TMEM74: variants seen among roughly 807,000 people sequenced by gnomAD.
The protein encoded by TMEM74 is transmembrane protein 74.
A neutral mutation model predicts 18.1 loss-of-function variants in TMEM74; 13 were observed. The observed-to-expected ratio is 0.72, with a 90% CI of 0.47 to 1.14. The LOEUF (loss-of-function observed/expected upper bound fraction) is 1.14. Ranked by LOEUF, TMEM74 falls within the 50% of genes most tolerant of loss-of-function variation. The pLI is 0.00. For synonymous variants in TMEM74, 159 were observed against 146.6 expected (o/e 1.08, Z -0.61); for missense variants, 372 against 375.9 (o/e 0.99, Z 0.09).
intron 1 of TMEM74, among the ~76,000 whole-genome samples, chr8:108,765,804 G>T (rs79992764): frequency 0.018 from 2,725 of 152,090 alleles, 87 homozygotes; most frequent in African/African-American, 0.062. Flanking sequence ...TGTACATATT[G>T]TCCTAAATTA....
chr8:108,699,187 C>CCTTCCTTCCTTCCTTCCTTCCTT lies in TMEM74; in HGVS notation n.120-43751_120-43750insAAGGAAGGAAGGAAGGAAGGAAG, dbSNP rs1563529302. On this transcript the variant is annotated intron_variant and non_coding_transcript_variant, in intron 1 of 3. Transcript: ENST00000518838. ...TTCCTTCCTTCCTTCCTTCCTTCCT[C>CCTTCCTTCCTTCCTTCCTTCCTT]CCTCCCTCCCTCCCTCCCTCCCTCT... Among the ~76,000 whole-genome samples, 463 of 68,748 alleles carry CCTTCCTTCCTTCCTTCCTTCCTT rather than the reference C, an allele frequency of 6.7e-3. 5 individuals are homozygous for CCTTCCTTCCTTCCTTCCTTCCTT. The highest frequency in any genetic ancestry group is 0.014 in the East Asian group (24 of 1,704). The allele number at this position is 68,748 out of a possible 152,430, so 45.1% of individuals were successfully genotyped here.
At chr8:108,652,755 G>A in intron 2 of TMEM74, 1 of 527,520 alleles carries the variant, frequency 1.9e-6, no homozygotes, top group Non-Finnish European at 3.6e-6. Context: ...CAAACACTCA[G>A]GACAAAGGCT....
intron 1 of TMEM74, among the ~76,000 whole-genome samples, chr8:108,764,656 G>A (rs566569101): frequency 2.0e-5 from 3 of 152,182 alleles, no homozygotes; most frequent in African/African-American, 2.4e-5. Context: ...TTTATGCTGC[G>A]GTTGTGCATT....
At chr8:108,778,423 AC>A (rs1251665588), downstream of TMEM74, among the ~76,000 whole-genome samples, 1 of 152,192 alleles carries the variant, frequency 6.6e-6, no homozygotes, top group Non-Finnish European at 1.5e-5. Context: ...ATAGCGAGAG[AC>A]TGTGGAAATG....
At chr8:108,674,405 G>A (rs2130592902) in intron 1 of TMEM74, among the ~76,000 whole-genome samples, 1 of 152,258 alleles carries the variant, frequency 6.6e-6, no homozygotes, top group African/African-American at 2.4e-5. Flanking sequence ...CGTCTTGCAT[G>A]TTGTAATCCA....
chr8:108,712,482 G>T (rs1482624918), intron 1 of TMEM74, among the ~76,000 whole-genome samples: 1 of 152,080 alleles, frequency 6.6e-6, no homozygotes, highest in African/African-American at 2.4e-5. Context: ...TTCCCATGCT[G>T]CTCTAGCACT....
At chr8:108,657,583 C>T (rs558564451) in intron 1 of TMEM74, among the ~76,000 whole-genome samples, 22 of 151,640 alleles carry the variant, frequency 1.5e-4, no homozygotes, top group African/African-American at 4.8e-4. Flanking sequence ...TTGGACCGGG[C>T]GCGGTGGCTC....
intron 1 of TMEM74, among the ~76,000 whole-genome samples, chr8:108,691,674 A>T (rs1039111572): frequency 6.6e-6 from 1 of 152,178 alleles, no homozygotes; most frequent in African/African-American, 2.4e-5. Context: ...AGGGATAGGG[A>T]AATAATCTAG....
chr8:108,766,497 C>T (rs1586290483), intron 1 of TMEM74, among the ~76,000 whole-genome samples: 1 of 152,154 alleles, frequency 6.6e-6, no homozygotes. Context: ...TTGTAGAGGC[C>T]CTCATTCATG....
chr8:108,662,088 G>T lies in TMEM74; in HGVS notation n.120-6651C>A, dbSNP rs536759257. Among the ~76,000 whole-genome samples the T allele has an allele frequency of 2.0e-5, 3 of 152,152 alleles. No homozygotes were observed. In the South Asian group the frequency reaches 6.2e-4, roughly 32 times the overall value. On this transcript the variant is annotated intron_variant and non_coding_transcript_variant, in intron 1 of 3. Transcript: ENST00000518838. ...AAAGCAGCTGAAGATTACCTTATACGCTAAAAAAGATGGATAGACCCATTG... is the reference window on the plus strand; with the variant it reads ...AAAGCAGCTGAAGATTACCTTATACTCTAAAAAAGATGGATAGACCCATTG...
chr8:108,638,972 C>A (rs1222019146), intron 2 of TMEM74, among the ~76,000 whole-genome samples: 1 of 152,166 alleles, frequency 6.6e-6, no homozygotes, highest in Non-Finnish European at 1.5e-5. Flanking sequence ...CCTTCTGTTG[C>A]TGGGATCTCT....
chr8:108,679,444 C>G (rs1204067019), intron 1 of TMEM74, among the ~76,000 whole-genome samples: 1 of 152,168 alleles, frequency 6.6e-6, no homozygotes, highest in Non-Finnish European at 1.5e-5. Flanking sequence ...GTCATTCTAA[C>G]TGGTGTGAGA....
At chr8:108,656,111 C>T (rs368760163) in intron 1 of TMEM74, among the ~76,000 whole-genome samples, 4 of 152,122 alleles carry the variant, frequency 2.6e-5, no homozygotes, top group Non-Finnish European at 2.9e-5. Flanking sequence ...GGTTTACTTT[C>T]GTCCCCAGGA....
At chr8:108,621,985 G>A (rs985357749) in intron 2 of TMEM74, among the ~76,000 whole-genome samples, 4 of 152,114 alleles carry the variant, frequency 2.6e-5, no homozygotes, top group South Asian at 2.1e-4. Flanking sequence ...TCTTCCTAGC[G>A]AATTTTTTTC....
intron 1 of TMEM74, among the ~76,000 whole-genome samples, chr8:108,771,794 C>G (rs754497457): frequency 3.3e-4 from 50 of 152,052 alleles, no homozygotes; most frequent in Non-Finnish European, 6.2e-4. Flanking sequence ...TTTTATCCAT[C>G]TTTTTGAATA....
intron 1 of TMEM74, among the ~76,000 whole-genome samples, chr8:108,761,257 C>T (rs1004270435): frequency 6.6e-6 from 1 of 151,972 alleles, no homozygotes; most frequent in African/African-American, 2.4e-5. Flanking sequence ...CTTACTTGAT[C>T]TTACATTAGG....
intron 1 of TMEM74, among the ~76,000 whole-genome samples, chr8:108,665,870 C>A (rs1812944470): frequency 6.6e-6 from 1 of 152,022 alleles, no homozygotes; most frequent in African/African-American, 2.4e-5. Context: ...ATGCTTGCAG[C>A]ACAAAACCAA....
chr8:108,740,895 G>C (rs185394706), intron 1 of TMEM74, among the ~76,000 whole-genome samples: 195 of 152,270 alleles, frequency 1.3e-3, no homozygotes, highest in African/African-American at 4.3e-3. Flanking sequence ...ATAGTTCACA[G>C]TGTCATTGTT....
chr8:108,762,850 G>A (rs3019891), intron 1 of TMEM74, among the ~76,000 whole-genome samples: 47,118 of 151,824 alleles, frequency 0.31, 7,552 homozygotes, highest in East Asian at 0.4. Context: ...AGGCCAGGCC[G>A]GGCAATGAAG....
Sources: allele counts gnomAD v4.1 joint callset (sites outside exome capture counted in the v4.1 genomes callset), GRCh38; gene constraint gnomAD v4.1.1; transcripts MANE v1.5; gene names NCBI Gene and HGNC (gene_info 2026-07-23, HGNC 2026-07-21).